FTCDNL1: variants seen among roughly 807,000 people sequenced by gnomAD.
The protein encoded by FTCDNL1 is formiminotransferase N-terminal subdomain-containing protein.
Under a neutral mutation model 5.9 loss-of-function variants are expected in FTCDNL1, and 11 were observed. The ratio of observed to expected loss-of-function variants is 1.87; its 90% confidence interval spans 1.18 to 3.10. FTCDNL1 has a LOEUF of 3.10. FTCDNL1 is among the 30% of genes most tolerant of loss of function. The probability of loss-of-function intolerance (pLI) is 0.00; values close to 1 mark genes in which losing one functional copy is unlikely to be tolerated. For synonymous variants in FTCDNL1, 58 were observed against 24.8 expected (o/e 2.34, Z -3.99); for missense variants, 115 against 65.5 (o/e 1.76, Z -2.61).
At chr2:199,755,513 T>C in the FTCDNL1 span, among the ~76,000 whole-genome samples, 2 of 152,216 alleles carry the variant, frequency 1.3e-5, no homozygotes, top group East Asian at 3.9e-4. Context: ...TTTTATGTCT[T>C]TAAGCCTCAG....
chr2:199,846,213 T>C (rs1379233676), intron 2 of FTCDNL1, 43 bp from the exon 3 acceptor site: 1 of 661,448 alleles, frequency 1.5e-6, no homozygotes, highest in Non-Finnish European at 2.7e-6. Flanking sequence ...TTTTTTTCTG[T>C]GATAAAACCT....
At chr2:199,736,282 A>G in the FTCDNL1 span, among the ~76,000 whole-genome samples, 549 of 152,330 alleles carry the variant, frequency 3.6e-3, 3 homozygotes, top group African/African-American at 0.013. Context: ...TCTTAAAAAC[A>G]TGCCTCAGGT....
chr2:199,818,476 G>C (rs1009176898), intron 4 of FTCDNL1: 1 of 152,088 alleles, frequency 6.6e-6, no homozygotes, highest in Non-Finnish European at 1.5e-5. Flanking sequence ...ATAATGAGAG[G>C]GAGACATTAT....
intron 3 of FTCDNL1, among the ~76,000 whole-genome samples, chr2:199,777,537 G>A (rs917908279): frequency 6.6e-6 from 1 of 152,172 alleles, no homozygotes; most frequent in Admixed American, 6.5e-5. Context: ...AGGGTCCTCT[G>A]CTTTACTTAA....
the FTCDNL1 span, among the ~76,000 whole-genome samples, chr2:199,717,337 A>G: frequency 6.6e-6 from 1 of 152,120 alleles, no homozygotes; most frequent in East Asian, 1.9e-4. Context: ...TACTTTGTAC[A>G]TTGGTTCAGT....
chr2:199,798,074 C>T (rs900481875), intron 3 of FTCDNL1, among the ~76,000 whole-genome samples: 2 of 152,226 alleles, frequency 1.3e-5, no homozygotes, highest in Non-Finnish European at 2.9e-5. Flanking sequence ...TCCCCAGCCT[C>T]ACACATAAGT....
intron 4 of FTCDNL1, 95 bp downstream of exon 4, chr2:199,819,477 A>G (rs1486322705): frequency 3.0e-6 from 2 of 660,744 alleles, no homozygotes; most frequent in East Asian, 5.4e-5. Context: ...CCACCCCTAT[A>G]ACTCTTCCTG....
chr2:199,830,367 C>A (rs1015457847), intron 3 of FTCDNL1, among the ~76,000 whole-genome samples: 1 of 152,124 alleles, frequency 6.6e-6, no homozygotes, highest in Non-Finnish European at 1.5e-5. Flanking sequence ...TGCACTGCCT[C>A]TAATTAAGTG....
At chr2:199,751,644 C>T in the FTCDNL1 span, among the ~76,000 whole-genome samples, 1 of 152,044 alleles carries the variant, frequency 6.6e-6, no homozygotes, top group Admixed American at 6.5e-5. Flanking sequence ...GCCTTTCTCC[C>T]CTTCTCTCTG....
chr2:199,798,784 T>C (rs1700297691), intron 3 of FTCDNL1, among the ~76,000 whole-genome samples: 1 of 152,222 alleles, frequency 6.6e-6, no homozygotes, highest in Non-Finnish European at 1.5e-5. Context: ...ACACGTCAAC[T>C]ACTGACTGTT....
chr2:199,804,677 C>A (rs1310078023), downstream of FTCDNL1, among the ~76,000 whole-genome samples: 2 of 152,096 alleles, frequency 1.3e-5, no homozygotes, highest in Non-Finnish European at 2.9e-5. Context: ...AGTAACCATG[C>A]GTGGGCTGTT....
At chr2:199,793,015 CA>C (rs1700005609) in intron 3 of FTCDNL1, among the ~76,000 whole-genome samples, 1 of 152,122 alleles carries the variant, frequency 6.6e-6, no homozygotes, top group Non-Finnish European at 1.5e-5. Flanking sequence ...AGCATACACA[CA>C]AAAACAATGA....
At chr2:199,737,162 G>A in the FTCDNL1 span, among the ~76,000 whole-genome samples, 1 of 152,326 alleles carries the variant, frequency 6.6e-6, no homozygotes, top group Middle Eastern at 3.4e-3. Flanking sequence ...TCTCATGTCT[G>A]TCACTTACCA....
chr2:199,752,727 T>C, the FTCDNL1 span, among the ~76,000 whole-genome samples: 23 of 52,742 alleles, frequency 4.4e-4, no homozygotes, highest in African/African-American at 9.0e-4. Flanking sequence ...ACATATATAC[T>C]ATCTCTCTCT....
chr2:199,678,443 C>T, the FTCDNL1 span, among the ~76,000 whole-genome samples: 6 of 152,038 alleles, frequency 3.9e-5, no homozygotes, highest in Non-Finnish European at 8.8e-5. Flanking sequence ...AAAGGTATGC[C>T]ATGCAGGACT....
chr2:199,729,710 A>T, the FTCDNL1 span, among the ~76,000 whole-genome samples: 1 of 152,226 alleles, frequency 6.6e-6, no homozygotes, highest in Non-Finnish European at 1.5e-5. Context: ...ATAGGATGCA[A>T]ACAAATGGAA....
chr2:199,783,750 A>G (rs1699487497), intron 3 of FTCDNL1, among the ~76,000 whole-genome samples: 1 of 152,076 alleles, frequency 6.6e-6, no homozygotes, highest in Non-Finnish European at 1.5e-5. Flanking sequence ...CAAGCCCAGC[A>G]CTTCTCTAGA....
chr2:199,676,724 T>C, the FTCDNL1 span, among the ~76,000 whole-genome samples: 1 of 152,182 alleles, frequency 6.6e-6, no homozygotes, highest in Non-Finnish European at 1.5e-5. Flanking sequence ...TTATGTTCTT[T>C]AGTGATCACA....
At chr2:199,667,259 T>C in the FTCDNL1 span, among the ~76,000 whole-genome samples, 48 of 152,320 alleles carry the variant, frequency 3.2e-4, no homozygotes, top group African/African-American at 1.1e-3. Flanking sequence ...GGTTTTTATA[T>C]AGCACCTTTC....
Sources: allele counts gnomAD v4.1 joint callset (sites outside exome capture counted in the v4.1 genomes callset), GRCh38; gene constraint gnomAD v4.1.1; transcripts MANE v1.5; gene names NCBI Gene and HGNC (gene_info 2026-07-23, HGNC 2026-07-21).